Variants in CHRNA4 observed in about 807,000 individuals in gnomAD.
CHRNA4 encodes neuronal acetylcholine receptor subunit alpha-4.
CHRNA4 carries 28 observed loss-of-function variants against 48.9 expected under a neutral mutation model. That is an observed-to-expected ratio of 0.57 (90% CI 0.42 to 0.79). CHRNA4 has a LOEUF of 0.79. Among genes scored for constraint, CHRNA4 ranks in the 30% least tolerant of loss-of-function variants. The probability of loss-of-function intolerance (pLI) is 0.00; values close to 1 mark genes in which losing one functional copy is unlikely to be tolerated. For missense variants in CHRNA4, 859 were observed against 898.4 expected (o/e 0.96, Z 0.56); for synonymous variants, 425 against 402.3 (o/e 1.06, Z -0.68).
rs200633496 is a variant in CHRNA4, at chr20:63,343,859, C to T, written c.*2879G>A. On this transcript the variant is annotated 3_prime_UTR_variant, in exon 6 of 6. Transcript: ENST00000370263. ...TTAGTGTGAGACTTTGATAGGGGGT[C>T]GGGGGTCACAGCCCTGGCAAGGTGG... 1.1e-3 allele frequency: 509 copies of T among 454,108 alleles called. 5 individuals carry two copies. The highest frequency in any genetic ancestry group is 6.0e-3 in the South Asian group (389 of 64,478). The allele number at this position is 454,108 out of a possible 1,614,324, so 28.1% of individuals were successfully genotyped here.
At chr20:63,358,055 G>A (rs1456819726) in intron 2 of CHRNA4, among the ~76,000 whole-genome samples, 7 of 152,142 alleles carry the variant, frequency 4.6e-5, no homozygotes, top group Admixed American at 3.3e-4. Context: ...CTTTGCAGCC[G>A]TGTTTGCAAA....
chr20:63,344,755 G>A lies in CHRNA4; in HGVS notation c.*1983C>T. 2.2e-6 allele frequency: 1 copy of A among 454,128 alleles called. No homozygotes were observed. The highest frequency in any genetic ancestry group is 4.4e-6 in the Non-Finnish European group (1 of 226,800). 28.1% of individuals were successfully genotyped at this position (454,128 alleles called of 1,614,324 possible). A position where few individuals can be genotyped will look rare whatever the true frequency, so the allele number is the denominator to read the frequency against. On this transcript the variant is annotated 3_prime_UTR_variant, in exon 6 of 6. Transcript: ENST00000370263. This position sits in a 1 kb window ranked among gnomAD's most constrained non-coding sequence, Gnocchi z 4.5. ...CCCTCCTCTGAGACCAGTGTCTCCT[G>A]CCAGCTTCCATGGCCCCGGGATGAC...
rs767085097 is a variant in CHRNA4, at chr20:63,344,689, A to G, written c.*2049T>C. ...TCTGGCAGCTGGGTCCACTTATGCA[A>G]TGTGGATCGGGCTTCTTACATCTGA... On this transcript the variant is annotated 3_prime_UTR_variant, in exon 6 of 6. Transcript: ENST00000370263. This position sits in a 1 kb window ranked among gnomAD's most constrained non-coding sequence, Gnocchi z 4.5. 9 of 453,998 alleles carry G rather than the reference A, an allele frequency of 2.0e-5. 1 individual carries two copies. Among genetic ancestry groups the G allele is most frequent in the South Asian group, 1.2e-4 (8 of 64,464 alleles). The allele number at this position is 453,998 out of a possible 1,614,324, so 28.1% of individuals were successfully genotyped here.
chr20:63,351,232 A>ATG (rs879688121), intron 4 of CHRNA4: 1 of 500,732 alleles, frequency 2.0e-6, no homozygotes, highest in African/African-American at 1.9e-5. Context: ...GCCCACATCC[A>ATG]CACCCACGTC....
chr20:63,351,056 G>A, intron 4 of CHRNA4, 29 bp from the exon 5 acceptor site: 1 of 1,601,016 alleles, frequency 6.2e-7, no homozygotes, highest in Non-Finnish European at 8.5e-7. Flanking sequence ...AAGGGTGTGA[G>A]ACCCCCACAT....
At chr20:63,354,710 G>C (rs2068691936) in intron 4 of CHRNA4, 1 of 977,294 alleles carries the variant, frequency 1.0e-6, no homozygotes, top group South Asian at 4.7e-5. Context: ...CAGGCACCCA[G>C]AGCGGCTTCT....
chr20:63,346,156 C>G lies in CHRNA4; in HGVS notation c.*582G>C. On this transcript the variant is annotated 3_prime_UTR_variant, in exon 6 of 6. Transcript: ENST00000370263. ...CTCACTAACTTACCCAAAACACAAC[C>G]AAACACAATCCCTGCCTGGACCCTC... 2.2e-6 allele frequency: 1 copy of G among 454,166 alleles called. No individual in the cohort carries two copies. Among genetic ancestry groups the G allele is most frequent in the Non-Finnish European group, 4.4e-6 (1 of 226,798 alleles). The allele number at this position is 454,166 out of a possible 1,614,324, so 28.1% of individuals were successfully genotyped here.
chr20:63,361,075 C>T lies in CHRNA4; in HGVS notation c.76+15G>A. 1 of 1,435,832 alleles carries T rather than the reference C, an allele frequency of 7.0e-7. No individual in the cohort carries two copies. Among genetic ancestry groups the T allele is most frequent in the South Asian group, 1.4e-5 (1 of 73,040 alleles). 88.9% of individuals were successfully genotyped at this position (1,435,832 alleles called of 1,614,324 possible). A position where few individuals can be genotyped will look rare whatever the true frequency, so the allele number is the denominator to read the frequency against. On this transcript the variant is annotated intron_variant, in intron 1 of 5. Transcript: ENST00000370263. ...CGCGGGCGAAAGGGGGCCCATCCCGCGCCCCGTAACTTACCGCGCAGGAGG... is the reference window on the plus strand; with the variant it reads ...CGCGGGCGAAAGGGGGCCCATCCCGTGCCCCGTAACTTACCGCGCAGGAGG...
At chr20:63,349,608 C>T (rs868313021) in intron 5 of CHRNA4, 45 bp downstream of exon 5, 3 of 1,610,210 alleles carry the variant, frequency 1.9e-6, no homozygotes, top group African/African-American at 1.3e-5. Context: ...TCCGCCGGTT[C>T]CGTCTGGGTC....
intron 2 of CHRNA4, among the ~76,000 whole-genome samples, chr20:63,357,362 T>C (rs2145404525): frequency 6.6e-6 from 1 of 152,360 alleles, no homozygotes; most frequent in Non-Finnish European, 1.5e-5. Flanking sequence ...CAGCTTCACG[T>C]GGCCAGGCCT....
chr20:63,350,425 T>A lies in CHRNA4; in HGVS notation c.986A>T (p.Asn329Ile). ...LSIVITVFVL[N>I]VHHRSPRTHT... is the part of the protein sequence containing the mutation. ...CGTGCGTGGCGAGCGGTGGTGCACG[T>A]TGAGCACGAAGACCGTGATGACGAT... Residue 329 changes from asparagine to isoleucine, a missense_variant, in exon 5 of 6, where the codon AAC becomes ATC. Transcript: ENST00000370263. The A allele has an allele frequency of 6.2e-7, 1 of 1,613,794 alleles. No individual in the cohort carries two copies. The highest frequency in any genetic ancestry group is 8.5e-7 in the Non-Finnish European group (1 of 1,180,014).
chr20:63,344,246 G>T lies in CHRNA4; in HGVS notation c.*2492C>A. ...ACTGCAGGATTCTGACTCCTCGAAGGTCGTGAGCCGGAGAGGTCAATCCAC... is the reference window on the plus strand; with the variant it reads ...ACTGCAGGATTCTGACTCCTCGAAGTTCGTGAGCCGGAGAGGTCAATCCAC... On this transcript the variant is annotated 3_prime_UTR_variant, in exon 6 of 6. Coordinates refer to ENST00000370263, the MANE Select transcript of CHRNA4 (RefSeq NM_000744.7). The surrounding 1 kb of genome is among the most constrained non-coding windows in gnomAD (Gnocchi z 4.5). 6.6e-6 allele frequency: 3 copies of T among 453,960 alleles called. No individual in the cohort carries two copies. The highest frequency in any genetic ancestry group is 4.7e-5 in the South Asian group (3 of 64,464). 28.1% of individuals were successfully genotyped at this position (453,960 alleles called of 1,614,324 possible).
At position 63,343,921 on chromosome 20, in the gene CHRNA4, G is replaced by A. The variant is rs924069155; in HGVS notation, c.*2817C>T. ...GCTGTCCACCCCCGGGAACTAACTG[G>A]CCCTAGGAGGAGCAGTCCTGGGTCT... On this transcript the variant is annotated 3_prime_UTR_variant, in exon 6 of 6. Transcript: ENST00000370263. The A allele has an allele frequency of 2.2e-6, 1 of 453,996 alleles. No homozygotes were observed. Among genetic ancestry groups the A allele is most frequent in the African/African-American group, 2.0e-5 (1 of 49,994 alleles). The allele number at this position is 453,996 out of a possible 1,614,324, so 28.1% of individuals were successfully genotyped here.
rs372058717 is a variant in CHRNA4, at chr20:63,358,425, C to G, written c.228+1123G>C. On this transcript the variant is annotated intron_variant, in intron 2 of 5. Coordinates refer to ENST00000370263, the MANE Select transcript of CHRNA4 (RefSeq NM_000744.7). ...ACCAGCCTCCCAAAGAGAGGAAATT[C>G]TCCCGCAACCCGGTGGCTCCTCCCT... 3.2e-4 allele frequency among the ~76,000 whole-genome samples: 49 copies of G among 152,370 alleles called. 1 individual carries two copies. The East Asian group carries it at 5.6e-3, about 17-fold the overall frequency.
rs56142348 is a variant in CHRNA4 at position 63,350,208 on chromosome 20, C to T, written c.1203G>A (p.Leu401=). The change falls in exon 5 of 6, where the codon CTG becomes CTA. Residue 401 remains leucine, a synonymous_variant. Coordinates refer to ENST00000370263, the MANE Select transcript of CHRNA4 (RefSeq NM_000744.7). ...EPPATSGTQS[L]HPPSPSFCVP... ...CACAGAAGGACGGTGAGGGCGGGTG[C>T]AGGCTCTGGGTGCCGCTCGTGGCAG... 1 of 1,603,518 alleles carries T rather than the reference C, an allele frequency of 6.2e-7. No homozygotes were observed. Among genetic ancestry groups the T allele is most frequent in the Admixed American group, 1.7e-5 (1 of 58,800 alleles).
chr20:63,359,781 AG>A lies in CHRNA4; in HGVS notation c.77-83del, dbSNP rs3841697. The A allele has an allele frequency of 1.9e-4, 282 of 1,510,062 alleles. 3 individuals carry two copies. The East Asian group carries it at 5.8e-3, about 31-fold the overall frequency. The allele number at this position is 1,510,062 out of a possible 1,614,324, so 93.5% of individuals were successfully genotyped here. ...GTCCAGGAGCTCTCCAGGCTGCCCC[AG>A]CCCCCTGCCCAGCACGTCCACTTCC... On this transcript the variant is annotated intron_variant, in intron 1 of 5. Coordinates refer to ENST00000370263, the MANE Select transcript of CHRNA4 (RefSeq NM_000744.7).
In CHRNA4 at chr20:63,346,664, C is replaced by T. The variant is rs554529978; in HGVS notation, c.*74G>A. On this transcript the variant is annotated 3_prime_UTR_variant, in exon 6 of 6. Transcript: ENST00000370263. Reference sequence around the variant, plus strand: ...CACAGAGTCCAGGGAGAAGCCAGCCCGGCCCCAGGCCGGCCGCATGGATGC... The same window carrying T: ...CACAGAGTCCAGGGAGAAGCCAGCCTGGCCCCAGGCCGGCCGCATGGATGC... The T allele has an allele frequency of 3.2e-5, 49 of 1,544,732 alleles. No homozygotes were observed. The African/African-American group carries it at 4.6e-4, about 15-fold the overall frequency.
Position 63,350,450 on chromosome 20 carries a change from T to C in CHRNA4, c.961A>G (p.Ile321Val), listed in dbSNP as rs375340441. 8 of 1,613,262 alleles carry C rather than the reference T, an allele frequency of 5.0e-6. No individual in the cohort carries two copies. The African/African-American group carries it at 9.4e-5, about 19-fold the overall frequency. ...LFTMIFVTLS[I>V]VITVFVLNVH... ...TTGAGCACGAAGACCGTGATGACGA[T>C]GGACAGGGTGACGAAGATCATGGTG... is the stretch of plus-strand genomic sequence containing the variant. The change falls in exon 5 of 6, where the codon ATC becomes GTC. Residue 321 changes from isoleucine to valine, a missense_variant. Physicochemically the swap from Ile to Val is conservative, Grantham distance 29. Around this residue, in one of 3 missense-constraint regions of CHRNA4, gnomAD observed 478 missense variants for 455.4 expected, o/e 1.05. Transcript: ENST00000370263.
chr20:63,360,883 T>TCGC (rs1390559617), intron 1 of CHRNA4: 1 of 425,880 alleles, frequency 2.3e-6, no homozygotes, highest in African/African-American at 2.1e-5. Flanking sequence ...CCCTCCGCAT[T>TCGC]CGCCGGCGGT....
Sources: allele counts gnomAD v4.1 joint callset (sites outside exome capture counted in the v4.1 genomes callset), GRCh38; gene constraint gnomAD v4.1.1; regional missense constraint gnomAD v4.1.1; non-coding constraint Gnocchi (gnomAD v3.1); transcripts MANE v1.5; gene names NCBI Gene and HGNC (gene_info 2026-07-23, HGNC 2026-07-21).